TMEM178A: variants seen among roughly 807,000 people sequenced by gnomAD.
The protein encoded by TMEM178A is transmembrane protein 178A.
Under a neutral mutation model 29.1 loss-of-function variants are expected in TMEM178A, and 12 were observed. The observed-to-expected ratio is 0.41, with a 90% CI of 0.26 to 0.67. The LOEUF (loss-of-function observed/expected upper bound fraction) is 0.67. Among genes scored for constraint, TMEM178A ranks in the 30% least tolerant of loss-of-function variants. The probability of loss-of-function intolerance (pLI) is 0.29; values close to 1 mark genes in which losing one functional copy is unlikely to be tolerated. For synonymous variants in TMEM178A, 210 were observed against 187.2 expected (o/e 1.12, Z -0.99); for missense variants, 366 against 419.1 (o/e 0.87, Z 1.11).
At chr2:39,721,960 C>T (rs1672714232), downstream of TMEM178A, among the ~76,000 whole-genome samples, 1 of 139,892 alleles carries the variant, frequency 7.1e-6, no homozygotes, top group South Asian at 2.3e-4. Context: ...GCACTCCAGC[C>T]TGGGTGACAG....
chr2:39,702,857 T>C (rs1269958099), intron 1 of TMEM178A, among the ~76,000 whole-genome samples: 2 of 152,190 alleles, frequency 1.3e-5, no homozygotes, highest in African/African-American at 4.8e-5. Context: ...CCTGGCTCCA[T>C]CTCAAAACTT....
chr2:39,695,892 T>A (rs1376444844), intron 1 of TMEM178A, among the ~76,000 whole-genome samples: 1 of 152,204 alleles, frequency 6.6e-6, no homozygotes, highest in African/African-American at 2.4e-5. Context: ...TATATAGTAC[T>A]TATATGTGTC....
intron 1 of TMEM178A, 40 bp downstream of exon 1, chr2:39,666,414 G>T: frequency 2.3e-6 from 3 of 1,284,326 alleles, no homozygotes; most frequent in Non-Finnish European, 3.0e-6. Flanking sequence ...GCGCCCGCGC[G>T]TGGAGCGCAG....
intron 1 of TMEM178A, among the ~76,000 whole-genome samples, chr2:39,673,546 A>G (rs1670491714): frequency 6.6e-6 from 1 of 152,254 alleles, no homozygotes; most frequent in Admixed American, 6.5e-5. Flanking sequence ...TGGTTTCACC[A>G]AGTGATTTGA....
At chr2:39,669,720 T>G (rs140699541) in intron 1 of TMEM178A, among the ~76,000 whole-genome samples, 1 of 152,354 alleles carries the variant, frequency 6.6e-6, no homozygotes, top group African/African-American at 2.4e-5. Flanking sequence ...TTTGCCAGCA[T>G]AGTTTAAACA....
intron 1 of TMEM178A, among the ~76,000 whole-genome samples, chr2:39,678,953 C>T (rs1331109071): frequency 6.6e-6 from 1 of 152,216 alleles, no homozygotes; most frequent in African/African-American, 2.4e-5. Flanking sequence ...ATCTGGACAG[C>T]ATCTACTTTT....
chr2:39,704,479 G>T (rs1671938179), intron 2 of TMEM178A, among the ~76,000 whole-genome samples: 2 of 152,188 alleles, frequency 1.3e-5, no homozygotes, highest in South Asian at 4.1e-4. Context: ...CCGAGTTGTT[G>T]GGTGTAAGGA....
At chr2:39,726,850 C>G in the TMEM178A span, among the ~76,000 whole-genome samples, 2 of 152,206 alleles carry the variant, frequency 1.3e-5, no homozygotes, top group East Asian at 3.9e-4. Context: ...TCATTTGTTT[C>G]ATCTCGAGCA....
rs568980860 is a variant in TMEM178A at position 39,679,636 on chromosome 2, G to A, written c.400+13262G>A. On this transcript the variant is annotated intron_variant, in intron 1 of 3. Coordinates refer to ENST00000281961, the MANE Select transcript of TMEM178A (RefSeq NM_152390.3). ...TTCAAGAAACTCTTCCTTTGTCTCTGTTCTTTCACAGGACTTAGTAGGGCA... is the reference window on the plus strand; with the variant it reads ...TTCAAGAAACTCTTCCTTTGTCTCTATTCTTTCACAGGACTTAGTAGGGCA... Among the ~76,000 whole-genome samples the A allele has an allele frequency of 2.6e-5, 4 of 152,196 alleles. No homozygotes were observed. In the East Asian group the frequency reaches 7.7e-4, roughly 29 times the overall value.
At chr2:39,724,114 A>C in the TMEM178A span, among the ~76,000 whole-genome samples, 1 of 152,302 alleles carries the variant, frequency 6.6e-6, no homozygotes, top group African/African-American at 2.4e-5. Flanking sequence ...GTATGACAGC[A>C]ATTTTAATTA....
At chr2:39,731,652 C>A in the TMEM178A span, among the ~76,000 whole-genome samples, 1 of 152,338 alleles carries the variant, frequency 6.6e-6, no homozygotes, top group Admixed American at 6.5e-5. Context: ...CTTCCCCAAA[C>A]CATCACGTTG....
chr2:39,669,688 G>C (rs1670329705), intron 1 of TMEM178A, among the ~76,000 whole-genome samples: 1 of 152,174 alleles, frequency 6.6e-6, no homozygotes, highest in African/African-American at 2.4e-5. Flanking sequence ...TATTCTACCA[G>C]ACTGACAAAT....
chr2:39,731,833 C>G, the TMEM178A span, among the ~76,000 whole-genome samples: 1 of 152,214 alleles, frequency 6.6e-6, no homozygotes, highest in African/African-American at 2.4e-5. Flanking sequence ...CTGTCTGTCT[C>G]TGCAACCATT....
chr2:39,679,089 C>T (rs1197965286), intron 1 of TMEM178A, among the ~76,000 whole-genome samples: 1 of 152,168 alleles, frequency 6.6e-6, no homozygotes, highest in East Asian at 1.9e-4. Context: ...TTTATACATA[C>T]CTTTATGATA....
chr2:39,666,239 T>G lies in TMEM178A; in HGVS notation c.265T>G (p.Ser89Ala). 1 of 1,352,170 alleles carries G rather than the reference T, an allele frequency of 7.4e-7. No individual in the cohort carries two copies. The highest frequency in any genetic ancestry group is 1.8e-5 in the South Asian group (1 of 54,260). 83.8% of individuals were successfully genotyped at this position (1,352,170 alleles called of 1,614,324 possible). ...CGGCCCGGGGCGCGCCGACCCCGAG[T>G]CCTGGCGCTCGCTCCTGGGGCTCGG... is the stretch of plus-strand genomic sequence containing the variant. ...PGGPGRADPESWRSLLGLGGL... is the reference protein window; with the variant it reads ...PGGPGRADPEAWRSLLGLGGL... Residue 89 changes from serine (S) to alanine (A), a missense_variant, in exon 1 of 4, where the codon TCC becomes GCC. Physicochemically the swap from Ser to Ala is moderately conservative, Grantham distance 99 (BLOSUM62 1). This residue lies in a region of TMEM178A where 247 missense variants were observed against 246.8 expected (regional missense o/e 1.00). Transcript: ENST00000281961.
rs935805549 is a variant in TMEM178A, at chr2:39,704,268, T to A, written c.514+74T>A. On this transcript the variant is annotated intron_variant, in intron 2 of 3. Transcript: ENST00000281961. Reference sequence around the variant, plus strand: ...CAAAATTCCCACCACCCCTCTCACATCTGGACAGAAGGATGTTGTTCTTAT... The same window carrying A: ...CAAAATTCCCACCACCCCTCTCACAACTGGACAGAAGGATGTTGTTCTTAT... 71 of 1,251,046 alleles carry A rather than the reference T, an allele frequency of 5.7e-5. No individual in the cohort carries two copies. The African/African-American group carries it at 9.2e-4, about 16-fold the overall frequency. 77.5% of individuals were successfully genotyped at this position (1,251,046 alleles called of 1,614,324 possible).
At chr2:39,701,682 A>G (rs1671788492) in intron 1 of TMEM178A, among the ~76,000 whole-genome samples, 1 of 151,998 alleles carries the variant, frequency 6.6e-6, no homozygotes, top group Non-Finnish European at 1.5e-5. Context: ...TATGCTTTTG[A>G]TGGTGCCTCA....
chr2:39,685,343 A>T (rs1005454346), intron 1 of TMEM178A, among the ~76,000 whole-genome samples: 18 of 152,130 alleles, frequency 1.2e-4, no homozygotes, highest in African/African-American at 4.3e-4. Context: ...TATCCTGGGG[A>T]TGTCAGCCCT....
downstream of TMEM178A, among the ~76,000 whole-genome samples, chr2:39,722,841 C>T (rs1315139639): frequency 6.6e-6 from 1 of 152,188 alleles, no homozygotes; most frequent in Admixed American, 6.5e-5. Flanking sequence ...TCTGACCAGG[C>T]CACTGCCTTG....
Sources: allele counts gnomAD v4.1 joint callset (sites outside exome capture counted in the v4.1 genomes callset), GRCh38; gene constraint gnomAD v4.1.1; regional missense constraint gnomAD v4.1.1; transcripts MANE v1.5; gene names NCBI Gene and HGNC (gene_info 2026-07-23, HGNC 2026-07-21).